The following DENND4A variants were observed in gnomAD, a reference collection of about 807,000 sequenced individuals.
DENND4A encodes the protein DENN domain containing 4A.
DENND4A carries 70 observed loss-of-function variants against 199.3 expected under a neutral mutation model. The observed-to-expected ratio is 0.35, with a 90% CI of 0.29 to 0.43. The LOEUF is 0.43. Ranked by LOEUF, DENND4A falls within the 20% of genes least tolerant of loss-of-function variation. The pLI is 1.00. For missense variants in DENND4A, 1,723 were observed against 2,255.8 expected (o/e 0.76, Z 4.78); for synonymous variants, 686 against 766.9 (o/e 0.89, Z 1.74).
At chr15:65,680,363 G>T (rs1172918385) in intron 23 of DENND4A, among the ~76,000 whole-genome samples, 1 of 152,014 alleles carries the variant, frequency 6.6e-6, no homozygotes, top group Non-Finnish European at 1.5e-5. Context: ...TTGCTTTGAT[G>T]GATTTATTAT....
At chr15:65,762,133 G>C (rs978983437) in intron 1 of DENND4A, among the ~76,000 whole-genome samples, 3 of 151,938 alleles carry the variant, frequency 2.0e-5, no homozygotes, top group Non-Finnish European at 2.9e-5. Flanking sequence ...TCAGCCTCCC[G>C]AGTAGCCGGG....
intron 1 of DENND4A, among the ~76,000 whole-genome samples, chr15:65,770,837 T>G (rs1369801779): frequency 6.6e-6 from 1 of 152,204 alleles, no homozygotes; most frequent in Non-Finnish European, 1.5e-5. Context: ...AAGTGATCAT[T>G]CCATAAATCT....
Position 65,676,649 on chromosome 15 carries a change from A to T in DENND4A, c.4180-15T>A. ...GAACTTTGATCCTAAGGACATAATT[A>T]TAAGCTTAATTTCTTGTACATTTAA... On this transcript the variant is annotated splice_polypyrimidine_tract_variant and intron_variant, in intron 23 of 32. Coordinates refer to ENST00000443035, the MANE Select transcript of DENND4A (RefSeq NM_001320835.1). 1 of 1,593,502 alleles carries T rather than the reference A, an allele frequency of 6.3e-7. No individual in the cohort carries two copies. Among genetic ancestry groups the T allele is most frequent in the African/African-American group, 1.3e-5 (1 of 74,422 alleles).
At chr15:65,723,515 G>T (rs2075710532) in intron 11 of DENND4A, among the ~76,000 whole-genome samples, 2 of 151,934 alleles carry the variant, frequency 1.3e-5, no homozygotes, top group South Asian at 2.1e-4. Flanking sequence ...GCATAATATT[G>T]TGAAATACTT....
chr15:65,717,642 A>T, intron 13 of DENND4A, 136 bp downstream of exon 13: 1 of 814,424 alleles, frequency 1.2e-6, no homozygotes, highest in South Asian at 1.9e-5. Context: ...TGGGTAACCA[A>T]CAAAGCTAGT....
At chr15:65,753,355 T>C (rs1001228111) in intron 3 of DENND4A, among the ~76,000 whole-genome samples, 1 of 152,122 alleles carries the variant, frequency 6.6e-6, no homozygotes, top group South Asian at 2.1e-4. Context: ...AAATAAGCTA[T>C]ATATGGTTTT....
At position 65,659,553 on chromosome 15, in the gene DENND4A, G is replaced by A. The variant is rs2141780339; in HGVS notation, c.*2298C>T. Reference sequence around the variant, plus strand: ...GGGTCTCTCTATGTTGCTCAGGCTGGTTTTGAACTCCTGGACTCAAGCAAT... The same window carrying A: ...GGGTCTCTCTATGTTGCTCAGGCTGATTTTGAACTCCTGGACTCAAGCAAT... On this transcript the variant is annotated 3_prime_UTR_variant, in exon 33 of 33. Coordinates refer to ENST00000443035, the MANE Select transcript of DENND4A (RefSeq NM_001320835.1). 6.6e-6 allele frequency: 1 copy of A among 151,982 alleles called. No individual in the cohort carries two copies. The highest frequency in any genetic ancestry group is 2.4e-5 in the African/African-American group (1 of 41,422). The allele number at this position is 151,982 out of a possible 1,614,324, so 9.4% of individuals were successfully genotyped here.
chr15:65,768,458 T>C (rs552925020), intron 1 of DENND4A, among the ~76,000 whole-genome samples: 1 of 152,290 alleles, frequency 6.6e-6, no homozygotes, highest in South Asian at 2.1e-4. Context: ...ACATTAACAG[T>C]AACAGGAAGC....
chr15:65,742,347 G>A (rs1423302335), intron 4 of DENND4A, among the ~76,000 whole-genome samples: 2 of 151,724 alleles, frequency 1.3e-5, no homozygotes, highest in African/African-American at 2.4e-5. Flanking sequence ...GCAGTGGTGC[G>A]ATCTTGGCTC....
chr15:65,682,937 G>C (rs545449961), intron 23 of DENND4A, among the ~76,000 whole-genome samples: 17 of 152,148 alleles, frequency 1.1e-4, no homozygotes, highest in African/African-American at 2.2e-4. Flanking sequence ...ATCTTATATG[G>C]GAACAGTTCA....
Position 65,738,890 on chromosome 15 carries a change from A to C in DENND4A, c.632-15T>G. On this transcript the variant is annotated splice_polypyrimidine_tract_variant and intron_variant, in intron 5 of 32. Coordinates refer to ENST00000443035, the MANE Select transcript of DENND4A (RefSeq NM_001320835.1). ...ACAAATTAGGCCTATAAAAACAACA[A>C]TAAATATTAGGTCATCATCTCTTGA... is the stretch of plus-strand genomic sequence containing the variant. The C allele has an allele frequency of 1.3e-6, 2 of 1,535,158 alleles. No individual in the cohort carries two copies. Among genetic ancestry groups the C allele is most frequent in the Non-Finnish European group, 1.8e-6 (2 of 1,136,460 alleles).
chr15:65,701,757 T>C lies in DENND4A; in HGVS notation c.2559+5A>G. The C allele has an allele frequency of 6.2e-7, 1 of 1,613,056 alleles. No homozygotes were observed. The highest frequency in any genetic ancestry group is 1.1e-5 in the South Asian group (1 of 91,028). On this transcript the variant is annotated splice_donor_5th_base_variant and intron_variant, in intron 18 of 32. Coordinates refer to ENST00000443035, the MANE Select transcript of DENND4A (RefSeq NM_001320835.1). The stretch of plus-strand genomic sequence containing the variant: ...ACTCTTTATCCATTAAACCAAGGTA[T>C]TTACCTTATTATAATAACCATAAGT...
chr15:65,707,568 T>A (rs1255639038), intron 14 of DENND4A, among the ~76,000 whole-genome samples: 1 of 152,154 alleles, frequency 6.6e-6, no homozygotes, highest in African/African-American at 2.4e-5. Flanking sequence ...TAATGGTATA[T>A]CCATACAGTG....
Position 65,783,314 on chromosome 15 carries a change from G to A in DENND4A, c.-102+8696C>T, listed in dbSNP as rs73473625. ...AATAAGTTAATAGATGTCAGATGGC[G>A]TGAGCCAGATTTCTCACTTTTGGAG... On this transcript the variant is annotated intron_variant, in intron 1 of 32. Transcript: ENST00000443035. Among the ~76,000 whole-genome samples the A allele has an allele frequency of 5.0e-3, 758 of 152,336 alleles. 6 individuals carry two copies. The highest frequency in any genetic ancestry group is 0.018 in the African/African-American group (734 of 41,580).
At chr15:65,695,214 A>G (rs1333742250) in intron 22 of DENND4A, among the ~76,000 whole-genome samples, 1 of 152,200 alleles carries the variant, frequency 6.6e-6, no homozygotes, top group Non-Finnish European at 1.5e-5. Flanking sequence ...TTTTTCTATC[A>G]AGGGCTAAAG....
chr15:65,752,706 A>G (rs2076600231), intron 3 of DENND4A, 78 bp from the exon 4 acceptor site: 1 of 919,804 alleles, frequency 1.1e-6, no homozygotes, highest in Non-Finnish European at 1.6e-6. Context: ...TCATCAACTG[A>G]TCCTTAAATG....
intron 23 of DENND4A, among the ~76,000 whole-genome samples, chr15:65,682,258 C>A (rs1433406383): frequency 6.6e-6 from 1 of 152,194 alleles, no homozygotes; most frequent in Non-Finnish European, 1.5e-5. Flanking sequence ...CATTGAAAAT[C>A]TGTTGTTTAG....
chr15:65,729,587 T>C lies in DENND4A; in HGVS notation c.1258A>G (p.Ile420Val), dbSNP rs1241499838. 3.7e-6 allele frequency: 6 copies of C among 1,600,962 alleles called. No homozygotes were observed. The highest frequency in any genetic ancestry group is 5.1e-6 in the Non-Finnish European group (6 of 1,173,098). The change falls in exon 10 of 33, where the codon ATC (isoleucine) becomes GTC (valine). Residue 420 changes from isoleucine to valine, a missense_variant. Ile to Val is a conservative substitution (Grantham distance 29). Coordinates refer to ENST00000443035, the MANE Select transcript of DENND4A (RefSeq NM_001320835.1). ...AGCACGGATGGCCGTAGGGAATGGA[T>C]AAGAATTTTATGTTCTGTTACTGCA... ...VFAVTEHKIL[I>V]HSLRPSVLTS... is the part of the protein sequence containing the mutation.
At chr15:65,751,967 T>C (rs2140612218) in intron 4 of DENND4A, among the ~76,000 whole-genome samples, 1 of 151,680 alleles carries the variant, frequency 6.6e-6, no homozygotes, top group South Asian at 2.1e-4. Flanking sequence ...TATTTGCATG[T>C]TGGAGGAAAT....
Sources: allele counts gnomAD v4.1 joint callset (sites outside exome capture counted in the v4.1 genomes callset), GRCh38; gene constraint gnomAD v4.1.1; transcripts MANE v1.5; gene names NCBI Gene and HGNC (gene_info 2026-07-23, HGNC 2026-07-21).